The following PPP1R3A variants were observed in gnomAD, a reference collection of about 807,000 sequenced individuals.
The protein encoded by PPP1R3A is RG1.
In PPP1R3A, 29 loss-of-function variants were observed where a neutral mutation model predicts 41.7. The observed-to-expected ratio is 0.70, with a 90% CI of 0.52 to 0.95. The LOEUF is 0.95. Ranked by LOEUF, PPP1R3A falls within the 40% of genes least tolerant of loss-of-function variation. The probability of loss-of-function intolerance (pLI) is 0.00; values close to 1 mark genes in which losing one functional copy is unlikely to be tolerated. For synonymous variants in PPP1R3A, 485 were observed against 453.4 expected, an observed-to-expected ratio of 1.07 and a Z score of -0.89; for missense variants, 1,352 against 1,292.4, an observed-to-expected ratio of 1.05 and a Z score of -0.71.
chr7:113,881,646 T>C (rs955770656), intron 3 of PPP1R3A, among the ~76,000 whole-genome samples: 4 of 152,058 alleles, frequency 2.6e-5, no homozygotes, highest in East Asian at 1.9e-4. Flanking sequence ...GTGAGAATCA[T>C]AGACTTCTAG....
chr7:113,888,305 G>A (rs550055394), intron 1 of PPP1R3A, among the ~76,000 whole-genome samples: 5 of 151,434 alleles, frequency 3.3e-5, no homozygotes, highest in South Asian at 2.1e-4. Context: ...GAAACTGGAC[G>A]GGATGAGCCA....
chr7:113,891,956 A>G (rs577714052), intron 1 of PPP1R3A, among the ~76,000 whole-genome samples: 292 of 152,144 alleles, frequency 1.9e-3, no homozygotes, highest in African/African-American at 6.9e-3. Flanking sequence ...CTCTGCTCTA[A>G]GAGGAATGAA....
chr7:113,880,205 C>T, intron 3 of PPP1R3A, 80 bp from the exon 4 acceptor site: 1 of 1,261,780 alleles, frequency 7.9e-7, no homozygotes. Flanking sequence ...GTTTTATTAA[C>T]TCGGCTAGTA....
At chr7:113,894,068 T>A (rs1045258670) in intron 1 of PPP1R3A, among the ~76,000 whole-genome samples, 2 of 151,990 alleles carry the variant, frequency 1.3e-5, no homozygotes. Flanking sequence ...ATTTTAGACT[T>A]AATTCTCTGA....
rs1796609535 is a variant in PPP1R3A at position 113,878,375 on chromosome 7, G to C, written c.2717C>G (p.Thr906Ser). ...AGAGCTATTCTGAGGAGCTCTATTAGTGTCTGAGTTAAAAGCAGAATGCAC... is the reference window on the plus strand; with the variant it reads ...AGAGCTATTCTGAGGAGCTCTATTACTGTCTGAGTTAAAAGCAGAATGCAC... ...AIVHSAFNSD[T>S]NRAPQNSSPF... Residue 906 changes from threonine (T) to serine (S), a missense_variant, in exon 4 of 4, where the codon ACT (threonine) becomes AGT (serine). Physicochemically the swap from Thr to Ser is moderately conservative, Grantham distance 58 (BLOSUM62 1). Transcript: ENST00000284601. The C allele has an allele frequency of 6.2e-7, 1 of 1,612,128 alleles. No individual in the cohort carries two copies. The highest frequency in any genetic ancestry group is 8.5e-7 in the Non-Finnish European group (1 of 1,179,598).
chr7:113,918,424 C>A lies in PPP1R3A; in HGVS notation c.573G>T (p.Lys191Asn). ...CDGETDQFSF[K>N]IVLVPPYQKD... is the part of the protein sequence containing the mutation. ...TTTGATAAGGAGGAACCAATACAAT[C>A]TTAAAGGAGAACTGGTCAGTTTCAC... Residue 191 changes from lysine (K) to asparagine (N), a missense_variant, in exon 1 of 4, where the codon AAG (lysine) becomes AAT (asparagine). Lys to Asn is a moderately conservative substitution (Grantham distance 94). Transcript: ENST00000284601. The A allele has an allele frequency of 2.5e-6, 4 of 1,613,370 alleles. No individual in the cohort carries two copies. Among genetic ancestry groups the A allele is most frequent in the Non-Finnish European group, 3.4e-6 (4 of 1,179,664 alleles).
At chr7:113,900,606 A>T (rs1051292854) in intron 1 of PPP1R3A, among the ~76,000 whole-genome samples, 1 of 149,216 alleles carries the variant, frequency 6.7e-6, no homozygotes, top group Non-Finnish European at 1.5e-5. Flanking sequence ...TATCATACAT[A>T]TATAGTATGT....
rs1797390199 is a variant in PPP1R3A, at chr7:113,918,914, T to C, written c.83A>G (p.Asp28Gly). Reference sequence around the variant, plus strand: ...ACCAGGTTGGAAAGTAACTTCTTCATCTTCACAAAGAGAGTCAGATAAATT... The same window carrying C: ...ACCAGGTTGGAAAGTAACTTCTTCACCTTCACAAAGAGAGTCAGATAAATT... ...VPNLSDSLCE[D>G]EEVTFQPGFS... The change falls in exon 1 of 4, where the codon GAT becomes GGT. Residue 28 changes from aspartate to glycine, a missense_variant. Transcript: ENST00000284601. 1 of 1,612,772 alleles carries C rather than the reference T, an allele frequency of 6.2e-7. No individual in the cohort carries two copies. Among genetic ancestry groups the C allele is most frequent in the African/African-American group, 1.3e-5 (1 of 74,816 alleles).
At chr7:113,904,732 A>G (rs895971308) in intron 1 of PPP1R3A, among the ~76,000 whole-genome samples, 2 of 151,638 alleles carry the variant, frequency 1.3e-5, no homozygotes, top group Non-Finnish European at 3.0e-5. Flanking sequence ...AATTATACAA[A>G]GGGTTTCAAA....
intron 1 of PPP1R3A, among the ~76,000 whole-genome samples, chr7:113,911,906 C>T (rs1033113948): frequency 6.6e-6 from 1 of 152,046 alleles, no homozygotes; most frequent in Non-Finnish European, 1.5e-5. Context: ...CTTTGAGTAT[C>T]TACAAAATGT....
Position 113,918,565 on chromosome 7 carries a change from AC to A in PPP1R3A, c.431del (p.Gly144ValfsTer6). ...ESLLGSTSIKGIIRVLNVSFE... is the reference protein window; with the variant it reads ...ESLLGSTSIKXIIRVLNVSFE... ...AAGAAACATTCAAAACTCGAATAAT[AC>A]CCTTGATACTTGTAGACCCAAGAAG... is the stretch of plus-strand genomic sequence containing the variant. On this transcript the variant is annotated frameshift_variant, in exon 1 of 4. Coordinates refer to ENST00000284601, the MANE Select transcript of PPP1R3A (RefSeq NM_002711.4). LOFTEE classifies it high-confidence loss of function. 1 of 1,613,042 alleles carries A rather than the reference AC, an allele frequency of 6.2e-7. No homozygotes were observed.
chr7:113,910,325 A>G (rs1797223385), intron 1 of PPP1R3A, among the ~76,000 whole-genome samples: 1 of 152,114 alleles, frequency 6.6e-6, no homozygotes, highest in Non-Finnish European at 1.5e-5. Context: ...AGCAAAGGAT[A>G]GAATTAGATA....
rs748846562 is a variant in PPP1R3A, at chr7:113,879,786, C to A, written c.1306G>T (p.Glu436Ter). Reference protein sequence around the residue: ...ELVQLHTGSKEVLDDNANPAH... With the variant: ...ELVQLHTGSK ...GGATTAGCATTATCATCCAGGACTTCTTTGCTGCCAGTATGTAATTGCACT... is the reference window on the plus strand; with the variant it reads ...GGATTAGCATTATCATCCAGGACTTATTTGCTGCCAGTATGTAATTGCACT... The change falls in exon 4 of 4, where the codon GAA (glutamate) becomes TAA (stop). Residue 436 changes from glutamate to a stop codon, truncating the protein, a stop_gained. Transcript: ENST00000284601. LOFTEE classifies it low-confidence loss of function (END_TRUNC). The A allele has an allele frequency of 1.2e-6, 2 of 1,613,428 alleles. No individual in the cohort carries two copies. Among genetic ancestry groups the A allele is most frequent in the Non-Finnish European group, 1.7e-6 (2 of 1,179,674 alleles).
intron 1 of PPP1R3A, among the ~76,000 whole-genome samples, chr7:113,912,848 T>C (rs1210387811): frequency 6.6e-6 from 1 of 152,056 alleles, no homozygotes; most frequent in Non-Finnish European, 1.5e-5. Context: ...GGCATGGCAT[T>C]CATAGTGACT....
chr7:113,882,097 T>A lies in PPP1R3A; in HGVS notation c.908A>T (p.Asn303Ile). The A allele has an allele frequency of 6.2e-7, 1 of 1,612,310 alleles. No homozygotes were observed. Among genetic ancestry groups the A allele is most frequent in the Non-Finnish European group, 8.5e-7 (1 of 1,178,722 alleles). Residue 303 changes from asparagine (N) to isoleucine (I), a missense_variant, in exon 3 of 4, where the codon AAT (asparagine) becomes ATT (isoleucine). Transcript: ENST00000284601. Reference sequence around the variant, plus strand: ...ATGTTCCCTGTTTACATCTTTTACATTTCGATTACTGGCTTCCAAATCTTC... The same window carrying A: ...ATGTTCCCTGTTTACATCTTTTACAATTCGATTACTGGCTTCCAAATCTTC... ...DKEDLEASNRNVKDVNREHDE... is the reference protein window; with the variant it reads ...DKEDLEASNRIVKDVNREHDE...
rs1314578185 is a variant in PPP1R3A at position 113,879,530 on chromosome 7, C to A, written c.1562G>T (p.Arg521Ile). 6.2e-7 allele frequency: 1 copy of A among 1,612,748 alleles called. No homozygotes were observed. Among genetic ancestry groups the A allele is most frequent in the East Asian group, 2.2e-5 (1 of 44,826 alleles). ...TTTTTCATTAACACCTAAATATATT[C>A]TTTGTTCTTCATCATCCTTACCATT... ...YGNGKDDEEQ[R>I]IYLGVNEKQR... The change falls in exon 4 of 4, where the codon AGA becomes ATA. Residue 521 changes from arginine to isoleucine, a missense_variant. Physicochemically the swap from Arg to Ile is moderately conservative, Grantham distance 97. Transcript: ENST00000284601.
Position 113,918,751 on chromosome 7 carries a change from G to GC in PPP1R3A, c.245dup (p.Cys82TrpfsTer12). ...TGGTTGAAGCACTCGGTAATTCCCA[G>GC]CAATCAAATTCTTTAACAGACACAA... On this transcript the variant is annotated frameshift_variant, in exon 1 of 4. Coordinates refer to ENST00000284601, the MANE Select transcript of PPP1R3A (RefSeq NM_002711.4). LOFTEE classifies it high-confidence loss of function. 2 of 1,613,864 alleles carry GC rather than the reference G, an allele frequency of 1.2e-6. No individual in the cohort carries two copies. Among genetic ancestry groups the GC allele is most frequent in the Non-Finnish European group, 8.5e-7 (1 of 1,179,880 alleles).
In PPP1R3A at chr7:113,878,284, AT is replaced by A; in HGVS notation, c.2807del (p.Asn936MetfsTer47). The A allele has an allele frequency of 6.2e-7, 1 of 1,613,180 alleles. No individual in the cohort carries two copies. The highest frequency in any genetic ancestry group is 1.7e-4 in the Middle Eastern group (1 of 6,054). On this transcript the variant is annotated frameshift_variant, in exon 4 of 4. Transcript: ENST00000284601. LOFTEE classifies it low-confidence loss of function (END_TRUNC). ...GTTGGCTAGCCATGGTAGTAACTGC[AT>A]TCTCTACAGCAATTGCCTGCTCATT... The part of the protein sequence containing the change: ...STNEQAIAVE[N>X]AVTTMASQPI...
At chr7:113,883,527 A>T (rs909468590) in intron 1 of PPP1R3A, among the ~76,000 whole-genome samples, 4 of 152,076 alleles carry the variant, frequency 2.6e-5, no homozygotes, top group Admixed American at 2.6e-4. Context: ...ACATATAGAA[A>T]ATAATGCTTC....
Sources: gnomAD v4.1 joint callset for allele counts (sites outside exome capture counted in the v4.1 genomes callset) on GRCh38, gnomAD v4.1.1 for gene constraint, MANE v1.5 for transcripts, NCBI Gene and HGNC (gene_info 2026-07-23, HGNC 2026-07-21) for gene names.